TAFA1: variants seen among roughly 807,000 people sequenced by gnomAD.
TAFA1 encodes the protein chemokine-like protein TAFA-1.
Under a neutral mutation model 18.5 loss-of-function variants are expected in TAFA1, and 4 were observed. The ratio of observed to expected loss-of-function variants is 0.22; its 90% CI spans 0.11 to 0.49. TAFA1 has a LOEUF of 0.49. TAFA1 is among the 20% of genes least tolerant of loss of function. The pLI is 0.98. For synonymous variants in TAFA1, 56 were observed against 55.2 expected (o/e 1.01, Z -0.06); for missense variants, 147 against 169.0 (o/e 0.87, Z 0.72).
At chr3:68,104,701 G>A (rs901601527) in intron 2 of TAFA1, among the ~76,000 whole-genome samples, 4 of 151,956 alleles carry the variant, frequency 2.6e-5, no homozygotes, top group Non-Finnish European at 5.9e-5. Context: ...AGATGACCAA[G>A]CTCATTTGTT....
chr3:68,334,633 C>A (rs1295147800), intron 2 of TAFA1, among the ~76,000 whole-genome samples: 2 of 152,074 alleles, frequency 1.3e-5, no homozygotes, highest in Admixed American at 6.6e-5. Context: ...TGAACTGATA[C>A]CAGTGCTGCT....
intron 2 of TAFA1, among the ~76,000 whole-genome samples, chr3:68,079,294 T>G (rs1256726746): frequency 6.6e-6 from 1 of 152,182 alleles, no homozygotes; most frequent in Non-Finnish European, 1.5e-5. Context: ...TTGAAGGGTT[T>G]TTTGTGTCTC....
intron 2 of TAFA1, among the ~76,000 whole-genome samples, chr3:68,314,416 C>G (rs2068572777): frequency 6.6e-6 from 1 of 152,156 alleles, no homozygotes; most frequent in African/African-American, 2.4e-5. Flanking sequence ...CATAATCATT[C>G]CTGTCACTTC....
At chr3:68,283,901 G>A (rs888627699) in intron 2 of TAFA1, among the ~76,000 whole-genome samples, 2 of 152,162 alleles carry the variant, frequency 1.3e-5, no homozygotes, top group Admixed American at 1.3e-4. Flanking sequence ...TGGTTGTGCA[G>A]TTTTCACATC....
chr3:68,184,119 G>T (rs1438029868), intron 2 of TAFA1, among the ~76,000 whole-genome samples: 2 of 152,150 alleles, frequency 1.3e-5, no homozygotes, highest in Non-Finnish European at 2.9e-5. Flanking sequence ...ATATGCCTCA[G>T]AGAGGAACTG....
At chr3:68,091,372 C>G (rs2065028304) in intron 2 of TAFA1, among the ~76,000 whole-genome samples, 1 of 152,082 alleles carries the variant, frequency 6.6e-6, no homozygotes, top group Non-Finnish European at 1.5e-5. Context: ...CTTTTTGGAG[C>G]ACAAAATAGC....
At chr3:68,400,407 C>T (rs1459986994) in intron 2 of TAFA1, among the ~76,000 whole-genome samples, 1 of 152,150 alleles carries the variant, frequency 6.6e-6, no homozygotes, top group East Asian at 1.9e-4. Context: ...AGAGTAATTA[C>T]AAAACTATAG....
intron 2 of TAFA1, among the ~76,000 whole-genome samples, chr3:68,063,483 A>G (rs7431152): frequency 0.011 from 1,712 of 152,340 alleles, 37 homozygotes; most frequent in African/African-American, 0.039. Context: ...GAAAGTAAAA[A>G]TATTTTTAAA....
chr3:68,511,960 G>A (rs1329015904), intron 3 of TAFA1, among the ~76,000 whole-genome samples: 1 of 151,842 alleles, frequency 6.6e-6, no homozygotes, highest in African/African-American at 2.4e-5. Context: ...CCTCTTCTAA[G>A]GTCTTTCTGT....
At chr3:68,323,725 T>C (rs2068728757) in intron 2 of TAFA1, among the ~76,000 whole-genome samples, 2 of 152,172 alleles carry the variant, frequency 1.3e-5, no homozygotes. Context: ...TCTTGAAAAA[T>C]AATTCTCTGA....
intron 2 of TAFA1, among the ~76,000 whole-genome samples, chr3:68,053,877 A>C (rs941152336): frequency 6.6e-6 from 1 of 151,750 alleles, no homozygotes; most frequent in Admixed American, 6.6e-5. Flanking sequence ...CTAATTTTTA[A>C]ATTTTTTTGT....
chr3:68,464,807 C>A (rs866135104), intron 3 of TAFA1, among the ~76,000 whole-genome samples: 1 of 152,118 alleles, frequency 6.6e-6, no homozygotes, highest in African/African-American at 2.4e-5. Context: ...TTCCTCTCTA[C>A]CCTTTCATTC....
rs2069123347 is a variant in TAFA1 at position 68,343,826 on chromosome 3, T to A, written c.119-73454T>A. The stretch of plus-strand genomic sequence containing the variant: ...CTGCTGTCCAATCTGATTCTGACAT[T>A]TAAGAAGTGTGCAGCAATATTATTA... On this transcript the variant is annotated intron_variant, in intron 2 of 4. Coordinates refer to ENST00000478136, the MANE Select transcript of TAFA1 (RefSeq NM_213609.4). Among the ~76,000 whole-genome samples the A allele has an allele frequency of 3.5e-5, 5 of 143,908 alleles. No individual in the cohort carries two copies. In the South Asian group the frequency reaches 8.7e-4, roughly 25 times the overall value. The allele number at this position is 143,908 out of a possible 152,430, so 94.4% of individuals were successfully genotyped here. A position where few individuals can be genotyped will look rare whatever the true frequency, so the allele number is the denominator to read the frequency against.
chr3:68,382,723 C>T (rs1198125790), intron 2 of TAFA1, among the ~76,000 whole-genome samples: 1 of 151,906 alleles, frequency 6.6e-6, no homozygotes, highest in Non-Finnish European at 1.5e-5. Flanking sequence ...CTTTAAAATA[C>T]TATTTTCTAG....
chr3:68,019,263 C>T (rs1326951337), intron 2 of TAFA1, among the ~76,000 whole-genome samples: 10 of 152,160 alleles, frequency 6.6e-5, no homozygotes, highest in Non-Finnish European at 1.5e-4. Context: ...TGCAAACAGG[C>T]CTGGCTGAAA....
At chr3:68,264,178 G>A (rs964640932) in intron 2 of TAFA1, among the ~76,000 whole-genome samples, 1 of 152,134 alleles carries the variant, frequency 6.6e-6, no homozygotes, top group Non-Finnish European at 1.5e-5. Context: ...GCTGAGGCTT[G>A]AGAATCACTT....
At chr3:68,521,632 C>A (rs1034768594) in intron 3 of TAFA1, among the ~76,000 whole-genome samples, 1 of 152,038 alleles carries the variant, frequency 6.6e-6, no homozygotes, top group Non-Finnish European at 1.5e-5. Flanking sequence ...TCAAAGTATA[C>A]CTTAGAGACA....
intron 2 of TAFA1, among the ~76,000 whole-genome samples, chr3:68,111,721 T>A (rs2065264018): frequency 6.6e-6 from 1 of 151,322 alleles, no homozygotes; most frequent in Admixed American, 6.6e-5. Context: ...TTTCAAAAAG[T>A]GTATTATAAT....
At chr3:68,155,095 T>C (rs1242647801) in intron 2 of TAFA1, among the ~76,000 whole-genome samples, 1 of 152,190 alleles carries the variant, frequency 6.6e-6, no homozygotes, top group African/African-American at 2.4e-5. Context: ...TAAGTAACAT[T>C]TCTCCCATTT....
Sources: gnomAD v4.1 joint callset for allele counts (sites outside exome capture counted in the v4.1 genomes callset) on GRCh38, gnomAD v4.1.1 for gene constraint, MANE v1.5 for transcripts, NCBI Gene and HGNC (gene_info 2026-07-23, HGNC 2026-07-21) for gene names.